Variants in PITPNA observed in about 807,000 individuals in gnomAD.
The protein encoded by PITPNA is phosphatidylinositol transfer protein alpha isoform.
In PITPNA, 13 loss-of-function variants were observed where a neutral mutation model predicts 50.3. That is an observed-to-expected ratio of 0.26 (90% CI 0.17 to 0.41). The LOEUF (loss-of-function observed/expected upper bound fraction) is 0.41, where lower values mean the gene tolerates loss of function less well. Ranked by LOEUF, PITPNA falls within the 10% of genes least tolerant of loss-of-function variation. The pLI is 1.00. For synonymous variants in PITPNA, 120 were observed against 119.6 expected (o/e 1.00, Z -0.02); for missense variants, 207 against 333.4 (o/e 0.62, Z 2.95).
chr17:1,562,488 G>T lies in PITPNA; in HGVS notation c.20+53C>A. ...TCCCTCGCCGCGCCGTCGCCCCGGC[G>T]GCCGTCCCCACCCTCCCTCCTCCCC... On this transcript the variant is annotated intron_variant, in intron 1 of 11. Transcript: ENST00000313486. The surrounding 1 kb of genome is among the most constrained non-coding windows in gnomAD (Gnocchi z 6.4). 2 of 1,365,374 alleles carry T rather than the reference G, an allele frequency of 1.5e-6. No individual in the cohort carries two copies. Among genetic ancestry groups the T allele is most frequent in the Non-Finnish European group, 9.6e-7 (1 of 1,037,548 alleles). 84.6% of individuals were successfully genotyped at this position (1,365,374 alleles called of 1,614,324 possible).
At chr17:1,524,189 T>G (rs964925965) in intron 10 of PITPNA, among the ~76,000 whole-genome samples, 2 of 151,690 alleles carry the variant, frequency 1.3e-5, no homozygotes, top group East Asian at 3.9e-4. Context: ...AGACTATAGG[T>G]GCCCACCAAC....
intron 10 of PITPNA, among the ~76,000 whole-genome samples, chr17:1,528,726 G>C (rs974112841): frequency 4.7e-5 from 7 of 150,022 alleles, no homozygotes; most frequent in Non-Finnish European, 8.8e-5. Flanking sequence ...CACAGAGCGA[G>C]ACTGTCTCTC....
Position 1,556,240 on chromosome 17 carries a change from T to C in PITPNA, c.51+2289A>G, listed in dbSNP as rs558867181. Among the ~76,000 whole-genome samples, 54 of 152,340 alleles carry C rather than the reference T, an allele frequency of 3.5e-4. 1 individual carries two copies. The highest frequency in any genetic ancestry group is 2.7e-3 in the Admixed American group (42 of 15,302). ...CTACCCAGGCCACGTGGTACTTTCTTGTCAATGGTTTCTTGCTGAGAACGG... is the reference window on the plus strand; with the variant it reads ...CTACCCAGGCCACGTGGTACTTTCTCGTCAATGGTTTCTTGCTGAGAACGG... On this transcript the variant is annotated intron_variant, in intron 2 of 11. Coordinates refer to ENST00000313486, the MANE Select transcript of PITPNA (RefSeq NM_006224.4).
Position 1,555,694 on chromosome 17 carries a change from C to T in PITPNA, c.52-2545G>A, listed in dbSNP as rs118151423. 2.8e-4 allele frequency among the ~76,000 whole-genome samples: 43 copies of T among 152,324 alleles called. 1 individual carries two copies. In the East Asian group the frequency reaches 8.1e-3, roughly 29 times the overall value. ...CTGACATGAAACACGTCATAAACAA[C>T]AGTACAGCTTTGGTCCCACCAACAT... On this transcript the variant is annotated intron_variant, in intron 2 of 11. Coordinates refer to ENST00000313486, the MANE Select transcript of PITPNA (RefSeq NM_006224.4).
Position 1,521,582 on chromosome 17 carries a change from G to C in PITPNA, c.*19C>G. On this transcript the variant is annotated 3_prime_UTR_variant, in exon 11 of 12. Coordinates refer to ENST00000313486, the MANE Select transcript of PITPNA (RefSeq NM_006224.4). Reference sequence around the variant, plus strand: ...CAGTGAGAAATTTGGTACGTACAGTGCAGAGGGGAAAGGCGGCTTTAGTCA... The same window carrying C: ...CAGTGAGAAATTTGGTACGTACAGTCCAGAGGGGAAAGGCGGCTTTAGTCA... The C allele has an allele frequency of 6.2e-7, 1 of 1,608,474 alleles. No individual in the cohort carries two copies. Among genetic ancestry groups the C allele is most frequent in the African/African-American group, 1.3e-5 (1 of 74,926 alleles).
chr17:1,532,803 A>G lies in PITPNA; in HGVS notation c.768+1296T>C, dbSNP rs561528093. Among the ~76,000 whole-genome samples, 8 of 152,332 alleles carry G rather than the reference A, an allele frequency of 5.3e-5. No homozygotes were observed. The East Asian group carries it at 5.8e-4, about 11-fold the overall frequency. ...CGAAAGAATCAGGGACTGTGCCCCAATGAAATCCTGCCACTTCCCTGCTAA... is the reference window on the plus strand; with the variant it reads ...CGAAAGAATCAGGGACTGTGCCCCAGTGAAATCCTGCCACTTCCCTGCTAA... On this transcript the variant is annotated intron_variant, in intron 10 of 11. Transcript: ENST00000313486.
intron 3 of PITPNA, among the ~76,000 whole-genome samples, chr17:1,549,211 T>C (rs1335839589): frequency 6.6e-6 from 1 of 150,564 alleles, no homozygotes; most frequent in African/African-American, 2.4e-5. Flanking sequence ...CGGTCTCTTC[T>C]ACTCAATTCT....
At chr17:1,540,411 G>A (rs1441535545) in intron 6 of PITPNA, among the ~76,000 whole-genome samples, 1 of 152,082 alleles carries the variant, frequency 6.6e-6, no homozygotes, top group Non-Finnish European at 1.5e-5. Flanking sequence ...ATCCATGTGC[G>A]TGGATTTTTC....
At chr17:1,553,460 C>T (rs2075719762) in intron 2 of PITPNA, among the ~76,000 whole-genome samples, 1 of 151,984 alleles carries the variant, frequency 6.6e-6, no homozygotes, top group African/African-American at 2.4e-5. Context: ...AGGCTGGTCT[C>T]AAAACTCCTG....
At chr17:1,524,266 C>T (rs62087962) in intron 10 of PITPNA, among the ~76,000 whole-genome samples, 3 of 149,450 alleles carry the variant, frequency 2.0e-5, no homozygotes, top group Non-Finnish European at 4.5e-5. Flanking sequence ...GGATGGTCTC[C>T]ATGTCCTGAC....
intron 7 of PITPNA, among the ~76,000 whole-genome samples, chr17:1,536,177 A>G (rs1313845253): frequency 2.6e-5 from 4 of 152,196 alleles, no homozygotes; most frequent in Non-Finnish European, 5.9e-5. Flanking sequence ...CTCTACATTG[A>G]CTAATGTGGG....
chr17:1,558,568 A>G lies in PITPNA; in HGVS notation c.21-9T>C, dbSNP rs2075750902. 6.3e-7 allele frequency: 1 copy of G among 1,597,376 alleles called. No individual in the cohort carries two copies. The stretch of plus-strand genomic sequence containing the variant: ...CAGGCAGGATTACTCGACTATAAGA[A>G]AGGGAAAAGAGAGTATCAACTTTAG... On this transcript the variant is annotated splice_polypyrimidine_tract_variant and intron_variant, in intron 1 of 11. Coordinates refer to ENST00000313486, the MANE Select transcript of PITPNA (RefSeq NM_006224.4).
chr17:1,562,556 A>G lies in PITPNA; in HGVS notation c.5T>C (p.Val2Ala). Reference protein sequence around the residue: MVLLKEYRVILP... With the variant: MALLKEYRVILP... ...GGACACTCACTACTCCTTGAGCAGCACCATGTCGCTTCGCGGCTCGGTGGC... is the reference window on the plus strand; with the variant it reads ...GGACACTCACTACTCCTTGAGCAGCGCCATGTCGCTTCGCGGCTCGGTGGC... The change falls in exon 1 of 12, where the codon GTG becomes GCG. Residue 2 changes from valine to alanine, a missense_variant. By Grantham distance (64) the Val-to-Ala change is moderately conservative. Transcript: ENST00000313486. This position sits in a 1 kb window ranked among gnomAD's most constrained non-coding sequence, Gnocchi z 6.4. 7.3e-7 allele frequency: 1 copy of G among 1,362,800 alleles called. No homozygotes were observed. Among genetic ancestry groups the G allele is most frequent in the Non-Finnish European group, 9.5e-7 (1 of 1,048,466 alleles). The allele number at this position is 1,362,800 out of a possible 1,614,324, so 84.4% of individuals were successfully genotyped here. A position where few individuals can be genotyped will look rare whatever the true frequency, so the allele number is the denominator to read the frequency against.
At chr17:1,524,343 CTT>C (rs398041515) in intron 10 of PITPNA, among the ~76,000 whole-genome samples, 26 of 120,996 alleles carry the variant, frequency 2.1e-4, no homozygotes, top group Admixed American at 6.0e-4. Flanking sequence ...CGCACCTGGC[CTT>C]TTTTTTTTTT....
chr17:1,535,665 T>C (rs539593902), intron 7 of PITPNA, 147 bp from the exon 8 acceptor site: 7 of 661,394 alleles, frequency 1.1e-5, no homozygotes, highest in Admixed American at 2.2e-5. Context: ...ATAAACAAGA[T>C]GTAGAACTGT....
intron 3 of PITPNA, among the ~76,000 whole-genome samples, chr17:1,549,895 G>A (rs1206777786): frequency 2.6e-5 from 4 of 151,764 alleles, no homozygotes; most frequent in Non-Finnish European, 4.4e-5. Context: ...GGCTGGTCTC[G>A]AACTCCTGAC....
intron 7 of PITPNA, 187 bp from the exon 8 acceptor site, chr17:1,535,705 T>C (rs866746188): frequency 3.3e-5 from 20 of 603,340 alleles, no homozygotes; most frequent in Non-Finnish European, 4.7e-5. Flanking sequence ...GAGTTCTATG[T>C]GATTTTCTCC....
chr17:1,528,690 T>G (rs980601407), intron 10 of PITPNA, among the ~76,000 whole-genome samples: 1 of 150,766 alleles, frequency 6.6e-6, no homozygotes, highest in Non-Finnish European at 1.5e-5. Context: ...TGAGCTATGA[T>G]CACAGCACTG....
intron 2 of PITPNA, among the ~76,000 whole-genome samples, chr17:1,554,813 T>C (rs1013847207): frequency 1.3e-5 from 2 of 152,158 alleles, no homozygotes; most frequent in Non-Finnish European, 1.5e-5. Context: ...CAAAATGCCA[T>C]GAAAAGGGGC....
Sources: allele counts gnomAD v4.1 joint callset (sites outside exome capture counted in the v4.1 genomes callset), GRCh38; gene constraint gnomAD v4.1.1; non-coding constraint Gnocchi (gnomAD v3.1); transcripts MANE v1.5; gene names NCBI Gene and HGNC (gene_info 2026-07-23, HGNC 2026-07-21).